The following PCDHGB3 variants were observed in gnomAD, a reference collection of about 807,000 sequenced individuals.
The protein encoded by PCDHGB3 is protocadherin gamma-B3.
A neutral mutation model predicts 59.2 loss-of-function variants in PCDHGB3; 40 were observed. The observed-to-expected ratio is 0.68, with a 90% CI of 0.52 to 0.88. PCDHGB3 has a LOEUF of 0.88. PCDHGB3 is among the 40% of genes least tolerant of loss of function. The pLI is 0.00. For synonymous variants in PCDHGB3, 581 were observed against 503.6 expected (o/e 1.15, Z -2.06); for missense variants, 1,309 against 1,187.9 (o/e 1.10, Z -1.50).
At chr5:141,437,460 T>C (rs2097886220) in intron 1 of PCDHGB3, among the ~76,000 whole-genome samples, 1 of 152,230 alleles carries the variant, frequency 6.6e-6, no homozygotes, top group South Asian at 2.1e-4. Flanking sequence ...GAGACTATAC[T>C]ATACTTTTAT....
intron 1 of PCDHGB3, chr5:141,384,788 G>A: frequency 1.2e-6 from 2 of 1,613,236 alleles, no homozygotes; most frequent in Non-Finnish European, 1.7e-6. Context: ...CGCACGGCTC[G>A]GGCCCTGCTG....
At position 141,490,162 on chromosome 5, in the gene PCDHGB3, A is replaced by G. The variant is rs1371128858; in HGVS notation, c.2416-4645A>G. The G allele has an allele frequency of 1.2e-6, 2 of 1,614,218 alleles. No individual in the cohort carries two copies. The highest frequency in any genetic ancestry group is 1.7e-6 in the Non-Finnish European group (2 of 1,180,028). ...TGGGGCAATCCATGTGTTGGGTCCCATAGACTTTGAGGAGTCACGTTTCTA... is the reference window on the plus strand; with the variant it reads ...TGGGGCAATCCATGTGTTGGGTCCCGTAGACTTTGAGGAGTCACGTTTCTA... On this transcript the variant is annotated intron_variant, in intron 1 of 3. Transcript: ENST00000576222. This position sits in a 1 kb window ranked among gnomAD's most constrained non-coding sequence, Gnocchi z 5.4.
chr5:141,428,288 A>G (rs1413902705), intron 1 of PCDHGB3: 1 of 728,846 alleles, frequency 1.4e-6, no homozygotes, highest in Middle Eastern at 2.3e-4. Flanking sequence ...TCCCAAGCAA[A>G]GCTGCAGATT....
chr5:141,421,082 C>A, intron 1 of PCDHGB3: 1 of 640,114 alleles, frequency 1.6e-6, no homozygotes, highest in Non-Finnish European at 2.6e-6. Flanking sequence ...TGGATACTCA[C>A]AGATCCTGAC....
chr5:141,418,754 G>A (rs748707880), intron 1 of PCDHGB3: 1 of 1,613,926 alleles, frequency 6.2e-7, no homozygotes, highest in South Asian at 1.1e-5. Context: ...TTACACTACA[G>A]GAAACATTCT....
chr5:141,405,587 G>T, intron 1 of PCDHGB3: 1 of 585,648 alleles, frequency 1.7e-6, no homozygotes, highest in Non-Finnish European at 3.0e-6. Flanking sequence ...TGGGACTACA[G>T]GCCTCCCAAG....
At chr5:141,501,036 T>C (rs893597004) in intron 2 of PCDHGB3, among the ~76,000 whole-genome samples, 4 of 151,702 alleles carry the variant, frequency 2.6e-5, no homozygotes, top group Non-Finnish European at 4.4e-5. Flanking sequence ...GCCCAGCTAA[T>C]TTTTGTATTT....
At chr5:141,402,999 T>TATG in intron 1 of PCDHGB3, 1 of 1,613,984 alleles carries the variant, frequency 6.2e-7, no homozygotes, top group Non-Finnish European at 8.5e-7. Context: ...TTAGTCCTGC[T>TATG]ATGCTCGCTC....
intron 2 of PCDHGB3, among the ~76,000 whole-genome samples, chr5:141,496,097 A>C (rs1329818315): frequency 6.6e-6 from 1 of 151,148 alleles, no homozygotes; most frequent in Non-Finnish European, 1.5e-5. Context: ...CCACCCACCA[A>C]CACCCCGCTC....
chr5:141,464,093 C>T (rs1029458289), intron 1 of PCDHGB3, among the ~76,000 whole-genome samples: 1 of 151,888 alleles, frequency 6.6e-6, no homozygotes, highest in Non-Finnish European at 1.5e-5. Context: ...GGTGAAACTC[C>T]GTCTCTACTA....
Position 141,414,286 on chromosome 5 carries a change from G to T in PCDHGB3, c.2415+41477G>T, listed in dbSNP as rs2095728607. On this transcript the variant is annotated intron_variant, in intron 1 of 3. Transcript: ENST00000576222. Reference sequence around the variant, plus strand: ...AGATTCACCTCTGGGAACAGTCGTAGCCCTTTTAAATGTGCATGATTTAGA... The same window carrying T: ...AGATTCACCTCTGGGAACAGTCGTATCCCTTTTAAATGTGCATGATTTAGA... 1.2e-6 allele frequency: 2 copies of T among 1,613,466 alleles called. No homozygotes were observed. The highest frequency in any genetic ancestry group is 1.7e-6 in the Non-Finnish European group (2 of 1,179,778).
chr5:141,421,312 GC>G, intron 1 of PCDHGB3: 1 of 1,613,748 alleles, frequency 6.2e-7, no homozygotes, highest in Non-Finnish European at 8.5e-7. Flanking sequence ...GGGGTTCCGG[GC>G]CAGGCAGATC....
At chr5:141,399,798 G>C in intron 1 of PCDHGB3, 1 of 1,613,236 alleles carries the variant, frequency 6.2e-7, no homozygotes, top group Non-Finnish European at 8.5e-7. Flanking sequence ...ACGCACCGCG[G>C]GTGCTGTACC....
intron 2 of PCDHGB3, among the ~76,000 whole-genome samples, chr5:141,496,206 A>C (rs2099766963): frequency 6.6e-6 from 1 of 152,126 alleles, no homozygotes; most frequent in South Asian, 2.1e-4. Context: ...TCAATCTGGT[A>C]TGAATTCCTG....
At chr5:141,375,391 A>C in intron 1 of PCDHGB3, 1 of 1,613,938 alleles carries the variant, frequency 6.2e-7, no homozygotes, top group Non-Finnish European at 8.5e-7. Flanking sequence ...CTACAGAAAC[A>C]ATCATCTCTC....
intron 3 of PCDHGB3, among the ~76,000 whole-genome samples, chr5:141,507,521 C>G (rs2099861196): frequency 6.6e-6 from 1 of 151,972 alleles, no homozygotes; most frequent in African/African-American, 2.4e-5. Flanking sequence ...GGCTATGATT[C>G]CAGAGAGGCC....
At chr5:141,388,201 T>C (rs780011607) in intron 1 of PCDHGB3, 1 of 1,573,864 alleles carries the variant, frequency 6.4e-7, no homozygotes, top group Non-Finnish European at 8.7e-7. Context: ...GCTCTGGAAT[T>C]TGAGGCTGTT....
chr5:141,375,314 G>A, intron 1 of PCDHGB3: 1 of 1,613,798 alleles, frequency 6.2e-7, no homozygotes, highest in South Asian at 1.1e-5. Flanking sequence ...TGCAGCTCTA[G>A]ACCGGGAAGA....
Position 141,487,632 on chromosome 5 carries a change from C to G in PCDHGB3, c.2416-7175C>G, listed in dbSNP as rs374506603. The G allele has an allele frequency of 6.2e-7, 1 of 1,614,186 alleles. No homozygotes were observed. Among genetic ancestry groups the G allele is most frequent in the East Asian group, 2.2e-5 (1 of 44,888 alleles). On this transcript the variant is annotated intron_variant, in intron 1 of 3. Coordinates refer to ENST00000576222, the MANE Select transcript of PCDHGB3 (RefSeq NM_018924.5). The surrounding 1 kb of genome is among the most constrained non-coding windows in gnomAD (Gnocchi z 5.0). ...GGGCTAGAGGTGAGACCTTTGCAGG[C>G]TCAACAAATGCTTGAGGGTTATTCT... is the stretch of plus-strand genomic sequence containing the variant.
Sources: allele counts gnomAD v4.1 joint callset (sites outside exome capture counted in the v4.1 genomes callset), GRCh38; gene constraint gnomAD v4.1.1; non-coding constraint Gnocchi (gnomAD v3.1); transcripts MANE v1.5; gene names NCBI Gene and HGNC (gene_info 2026-07-23, HGNC 2026-07-21).